CPS1: variants seen among roughly 807,000 people sequenced by gnomAD.
CPS1 encodes the protein carbamoyl-phosphate synthase [ammonia], mitochondrial.
CPS1 carries 109 observed loss-of-function variants against 174.6 expected under a neutral mutation model. The ratio of observed to expected loss-of-function variants is 0.62; its 90% CI spans 0.53 to 0.73. The LOEUF is 0.73. Ranked by LOEUF, CPS1 falls within the 30% of genes least tolerant of loss-of-function variation. CPS1 has a pLI of 0.00. For synonymous variants in CPS1, 637 were observed against 632.0 expected (o/e 1.01, Z -0.12); for missense variants, 1,689 against 1,821.9 (o/e 0.93, Z 1.33).
intron 1 of CPS1, among the ~76,000 whole-genome samples, chr2:210,490,416 T>C (rs899392495): frequency 6.6e-6 from 1 of 152,220 alleles, no homozygotes; most frequent in Non-Finnish European, 1.5e-5. Flanking sequence ...ATCTAGTACA[T>C]GAATATTACT....
At chr2:210,492,926 C>T (rs1220584898) in intron 1 of CPS1, among the ~76,000 whole-genome samples, 3 of 151,828 alleles carry the variant, frequency 2.0e-5, no homozygotes, top group Non-Finnish European at 2.9e-5. Context: ...AGCGGCTGGG[C>T]TAATAATAAT....
intron 33 of CPS1, among the ~76,000 whole-genome samples, chr2:210,666,144 A>G (rs989214096): frequency 6.6e-6 from 1 of 151,892 alleles, no homozygotes; most frequent in African/African-American, 2.4e-5. Flanking sequence ...GTGTCTGTTC[A>G]TATCCTTTGC....
intron 20 of CPS1, among the ~76,000 whole-genome samples, chr2:210,613,834 G>A (rs564121432): frequency 4.6e-5 from 7 of 152,022 alleles, no homozygotes; most frequent in East Asian, 1.9e-4. Context: ...CAGGGGCTGC[G>A]TGTAAATTAT....
At chr2:210,523,377 G>A (rs185528772) in intron 1 of CPS1, among the ~76,000 whole-genome samples, 2 of 152,080 alleles carry the variant, frequency 1.3e-5, no homozygotes, top group Admixed American at 1.3e-4. Flanking sequence ...TTTGTATAAT[G>A]TATTTTGTAT....
At chr2:210,651,149 C>CT (rs371760530) in intron 28 of CPS1, among the ~76,000 whole-genome samples, 3,966 of 144,968 alleles carry the variant, frequency 0.027, 82 homozygotes, top group Admixed American at 0.049. Context: ...CTTGTTGGGG[C>CT]TTTTTTTTTT....
chr2:210,565,824 T>A (rs1237253403), intron 1 of CPS1, among the ~76,000 whole-genome samples: 2 of 152,220 alleles, frequency 1.3e-5, no homozygotes, highest in African/African-American at 4.8e-5. Flanking sequence ...AACTTTGGCA[T>A]AAGGACTTTG....
chr2:210,477,804 A>T, intron 1 of CPS1: 4 of 1,611,834 alleles, frequency 2.5e-6, no homozygotes, highest in Non-Finnish European at 3.4e-6. Flanking sequence ...GTTTTAAAAG[A>T]TGGGTGTTTG....
chr2:210,512,210 C>A (rs1695513256), intron 1 of CPS1, among the ~76,000 whole-genome samples: 2 of 151,804 alleles, frequency 1.3e-5, no homozygotes, highest in Admixed American at 1.3e-4. Context: ...ATTATTTTTT[C>A]AACTTTTATT....
At position 210,573,286 on chromosome 2, in the gene CPS1, C is replaced by A. The variant is rs1468758777; in HGVS notation, c.127-12C>A. 1.2e-6 allele frequency: 2 copies of A among 1,604,832 alleles called. No individual in the cohort carries two copies. Among genetic ancestry groups the A allele is most frequent in the South Asian group, 1.1e-5 (1 of 90,934 alleles). Reference sequence around the variant, plus strand: ...ATGTATTCTGCTAAGATTCATGCAACTGTTTCTTCAGGCACAGACAGCACA... The same window carrying A: ...ATGTATTCTGCTAAGATTCATGCAAATGTTTCTTCAGGCACAGACAGCACA... On this transcript the variant is annotated splice_polypyrimidine_tract_variant and intron_variant, in intron 1 of 37. Transcript: ENST00000233072.
At chr2:210,665,516 CT>C (rs1245062807) in intron 33 of CPS1, among the ~76,000 whole-genome samples, 1 of 148,216 alleles carries the variant, frequency 6.7e-6, no homozygotes, top group Non-Finnish European at 1.5e-5. Flanking sequence ...TGATATTCCC[CT>C]TCCTGTGTCC....
intron 21 of CPS1, among the ~76,000 whole-genome samples, chr2:210,627,933 A>G (rs1699744073): frequency 1.3e-5 from 2 of 150,536 alleles, no homozygotes; most frequent in Admixed American, 6.6e-5. Flanking sequence ...AGCACTTATT[A>G]CCTTCTTGGT....
intron 1 of CPS1, among the ~76,000 whole-genome samples, chr2:210,514,877 A>G (rs1465393954): frequency 6.9e-6 from 1 of 145,938 alleles, no homozygotes; most frequent in Non-Finnish European, 1.5e-5. Flanking sequence ...TTCAGTGCCT[A>G]GTTTGTTGAG....
chr2:210,647,348 G>A (rs1700410763), intron 25 of CPS1, among the ~76,000 whole-genome samples: 1 of 152,190 alleles, frequency 6.6e-6, no homozygotes, highest in African/African-American at 2.4e-5. Context: ...AGACTGGAAA[G>A]TCTTAAGTGC....
Position 210,677,985 on chromosome 2 carries a change from G to GAGATGC in CPS1, c.*4_*9dup, listed in dbSNP as rs763770264. Reference sequence around the variant, plus strand: ...AGTACAGTGCTGGAAAAGCAGCATAGAGATGCAGACACCCCAGCCCCATTA... The same window carrying GAGATGC: ...AGTACAGTGCTGGAAAAGCAGCATAGAGATGCAGATGCAGACACCCCAGCCCCATTA... On this transcript the variant is annotated 3_prime_UTR_variant, in exon 38 of 38. Coordinates refer to ENST00000233072, the MANE Select transcript of CPS1 (RefSeq NM_001875.5). 1 of 1,608,240 alleles carries GAGATGC rather than the reference G, an allele frequency of 6.2e-7. No homozygotes were observed. Among genetic ancestry groups the GAGATGC allele is most frequent in the Non-Finnish European group, 8.5e-7 (1 of 1,174,624 alleles).
chr2:210,642,719 T>C, intron 25 of CPS1, 54 bp downstream of exon 25: 1 of 1,482,356 alleles, frequency 6.7e-7, no homozygotes, highest in Non-Finnish European at 9.3e-7. Context: ...ATATGTAGTA[T>C]ACACTTTATA....
At chr2:210,535,414 T>A (rs573245512) in intron 1 of CPS1, among the ~76,000 whole-genome samples, 3 of 152,178 alleles carry the variant, frequency 2.0e-5, no homozygotes, top group Non-Finnish European at 4.4e-5. Context: ...CTTTTTGCAT[T>A]TAAAAACCTC....
chr2:210,598,147 C>T (rs1382871773), intron 13 of CPS1, among the ~76,000 whole-genome samples: 3 of 151,556 alleles, frequency 2.0e-5, no homozygotes, highest in African/African-American at 7.3e-5. Flanking sequence ...TAAATAAGAT[C>T]CTTTTTGAAT....
At position 210,671,616 on chromosome 2, in the gene CPS1, C is replaced by A. The variant is rs549116813; in HGVS notation, c.4102-3286C>A. ...CTGAGGCTACTCAGATGCAAGCTGA[C>A]AGCTGTAATTTCTTTTTGTAGAGAG... On this transcript the variant is annotated intron_variant, in intron 34 of 37. Transcript: ENST00000233072. 3 of 152,306 alleles carry A rather than the reference C, an allele frequency of 2.0e-5. No individual in the cohort carries two copies. The South Asian group carries it at 6.2e-4, about 32-fold the overall frequency. 9.4% of individuals were successfully genotyped at this position (152,306 alleles called of 1,614,324 possible).
intron 5 of CPS1, among the ~76,000 whole-genome samples, chr2:210,582,204 C>G (rs1016971349): frequency 3.3e-5 from 5 of 152,052 alleles, no homozygotes; most frequent in African/African-American, 1.2e-4. Flanking sequence ...TGAATTCCCG[C>G]TTTTTTTGTG....
Sources: gnomAD v4.1 joint callset for allele counts (sites outside exome capture counted in the v4.1 genomes callset) on GRCh38, gnomAD v4.1.1 for gene constraint, MANE v1.5 for transcripts, NCBI Gene and HGNC (gene_info 2026-07-23, HGNC 2026-07-21) for gene names.